The following RAB38 variants were observed in gnomAD, a reference collection of about 807,000 sequenced individuals.
RAB38 encodes ras-related protein Rab-38.
RAB38 carries 15 observed loss-of-function variants against 18.4 expected under a neutral mutation model. That is an observed-to-expected ratio of 0.82 (90% CI 0.55 to 1.26). The LOEUF (loss-of-function observed/expected upper bound fraction) is 1.26. Among genes scored for constraint, RAB38 ranks in the 50% most tolerant of loss-of-function variants. RAB38 has a pLI of 0.00. For synonymous variants in RAB38, 101 were observed against 104.4 expected (o/e 0.97, Z 0.20); for missense variants, 294 against 267.4 (o/e 1.10, Z -0.69).
chr11:88,024,597 A>G, the RAB38 span, among the ~76,000 whole-genome samples: 1 of 152,216 alleles, frequency 6.6e-6, no homozygotes, highest in Admixed American at 6.5e-5. Flanking sequence ...TGTTTGTGGT[A>G]GCTCTGTTCA....
At position 88,121,593 on chromosome 11, in the gene RAB38, C is replaced by T. The variant is rs543082145; in HGVS notation, c.484-7453G>A. ...TTTTGTTTTTTGTGAGACGGAGCCT[C>T]GCTCTGTCGCCCAGGCTGGAGTGCA... On this transcript the variant is annotated intron_variant, in intron 2 of 2. Coordinates refer to ENST00000243662, the MANE Select transcript of RAB38 (RefSeq NM_022337.3). Among the ~76,000 whole-genome samples the T allele has an allele frequency of 5.3e-4, 80 of 151,780 alleles. 1 individual carries two copies. Among genetic ancestry groups the T allele is most frequent in the African/African-American group, 1.7e-3 (70 of 41,370 alleles).
chr11:88,037,707 C>T, the RAB38 span, among the ~76,000 whole-genome samples: 1 of 152,080 alleles, frequency 6.6e-6, no homozygotes, highest in Non-Finnish European at 1.5e-5. Flanking sequence ...TTGTGTCTGC[C>T]TTCTTTCACT....
At chr11:88,117,701 T>C (rs1167074226) in intron 2 of RAB38, among the ~76,000 whole-genome samples, 1 of 152,226 alleles carries the variant, frequency 6.6e-6, no homozygotes, top group Non-Finnish European at 1.5e-5. Flanking sequence ...GTTCCCCTAC[T>C]TTCTGGTTGC....
chr11:88,036,268 A>G, the RAB38 span, among the ~76,000 whole-genome samples: 30 of 152,296 alleles, frequency 2.0e-4, no homozygotes, highest in African/African-American at 6.7e-4. Flanking sequence ...AGATTCAGTT[A>G]TATCTCTAAG....
At chr11:87,848,763 C>T in the RAB38 span, among the ~76,000 whole-genome samples, 5 of 152,024 alleles carry the variant, frequency 3.3e-5, no homozygotes, top group Non-Finnish European at 7.4e-5. Flanking sequence ...AGGTCCACAC[C>T]TGAAAATTTT....
the RAB38 span, among the ~76,000 whole-genome samples, chr11:87,846,768 C>T: frequency 1.3e-5 from 2 of 151,988 alleles, no homozygotes; most frequent in African/African-American, 4.8e-5. Context: ...GAAATACATA[C>T]ACTGAGACTA....
the RAB38 span, among the ~76,000 whole-genome samples, chr11:88,041,513 T>C: frequency 2.0e-5 from 3 of 152,212 alleles, no homozygotes; most frequent in Admixed American, 1.3e-4. Flanking sequence ...CAGAGTACCT[T>C]GAATGTAACG....
At chr11:87,839,463 A>T in the RAB38 span, among the ~76,000 whole-genome samples, 1 of 152,208 alleles carries the variant, frequency 6.6e-6, no homozygotes, top group South Asian at 2.1e-4. Context: ...ATTATAGGTC[A>T]CCTGACTTTT....
the RAB38 span, among the ~76,000 whole-genome samples, chr11:87,859,099 A>G: frequency 6.6e-6 from 1 of 152,076 alleles, no homozygotes; most frequent in Non-Finnish European, 1.5e-5. Flanking sequence ...ACAATTAACT[A>G]TTCATCACAA....
At chr11:87,974,182 A>G in the RAB38 span, among the ~76,000 whole-genome samples, 1 of 151,074 alleles carries the variant, frequency 6.6e-6, no homozygotes, top group Admixed American at 6.6e-5. Flanking sequence ...AGTTATTAGA[A>G]TTTGCAGAAA....
chr11:87,942,794 C>A, the RAB38 span, among the ~76,000 whole-genome samples: 119 of 152,234 alleles, frequency 7.8e-4, 1 homozygote, highest in East Asian at 0.018. Flanking sequence ...AGAGGAATGT[C>A]CACAAGTCTG....
chr11:87,830,577 A>C, the RAB38 span, among the ~76,000 whole-genome samples: 1 of 151,370 alleles, frequency 6.6e-6, no homozygotes, highest in African/African-American at 2.4e-5. Flanking sequence ...GAATTACCTT[A>C]TTTTATTTCC....
intron 1 of RAB38, among the ~76,000 whole-genome samples, chr11:88,163,068 G>A (rs185994725): frequency 4.6e-5 from 7 of 152,104 alleles, no homozygotes; most frequent in African/African-American, 7.2e-5. Context: ...TGGATCATTC[G>A]CTCAACCATT....
At chr11:87,960,836 C>T in the RAB38 span, among the ~76,000 whole-genome samples, 1 of 152,170 alleles carries the variant, frequency 6.6e-6, no homozygotes, top group African/African-American at 2.4e-5. Context: ...CCAGACATCC[C>T]TAAGCCTGTT....
the RAB38 span, among the ~76,000 whole-genome samples, chr11:87,940,165 A>T: frequency 1.6e-5 from 2 of 122,952 alleles, no homozygotes; most frequent in Admixed American, 1.9e-4. Flanking sequence ...CCCAGATAAT[A>T]CAAAAAAAAA....
chr11:87,946,023 A>T, the RAB38 span, among the ~76,000 whole-genome samples: 1 of 152,168 alleles, frequency 6.6e-6, no homozygotes, highest in African/African-American at 2.4e-5. Context: ...AGAGAAAGTA[A>T]ATAACTTGCC....
At chr11:88,175,150 T>A (rs1342198769) in intron 1 of RAB38, 33 bp downstream of exon 1, 1 of 1,539,364 alleles carries the variant, frequency 6.5e-7, no homozygotes, top group Admixed American at 1.9e-5. Flanking sequence ...CGCGAGGCGC[T>A]CTATCCCCCT....
chr11:87,840,921 G>C, the RAB38 span, among the ~76,000 whole-genome samples: 1 of 152,216 alleles, frequency 6.6e-6, no homozygotes, highest in Admixed American at 6.5e-5. Context: ...GTAGAGCATA[G>C]TGATTAAAGT....
the RAB38 span, among the ~76,000 whole-genome samples, chr11:87,974,359 A>AC: frequency 6.6e-6 from 1 of 151,878 alleles, no homozygotes; most frequent in Non-Finnish European, 1.5e-5. Flanking sequence ...CTGAAAGAAA[A>AC]AAAAAATCAT....
Sources: allele counts gnomAD v4.1 joint callset (sites outside exome capture counted in the v4.1 genomes callset), GRCh38; gene constraint gnomAD v4.1.1; transcripts MANE v1.5; gene names NCBI Gene and HGNC (gene_info 2026-07-23, HGNC 2026-07-21).